The following GALNT13 variants were observed in gnomAD, a reference collection of about 807,000 sequenced individuals.
GALNT13 encodes UDP-GalNAc:polypeptide N-acetylgalactosaminyltransferase 13.
Under a neutral mutation model 64.2 loss-of-function variants are expected in GALNT13, and 28 were observed. The ratio of observed to expected loss-of-function variants is 0.44; its 90% CI spans 0.32 to 0.60. The LOEUF (loss-of-function observed/expected upper bound fraction) is 0.60. Among genes scored for constraint, GALNT13 ranks in the 20% least tolerant of loss-of-function variants. The probability of loss-of-function intolerance (pLI) is 0.05; values close to 1 mark genes in which losing one functional copy is unlikely to be tolerated. For missense variants in GALNT13, 577 were observed against 669.8 expected, an observed-to-expected ratio of 0.86 and a Z score of 1.53; for synonymous variants, 214 against 224.6, an observed-to-expected ratio of 0.95 and a Z score of 0.42.
At chr2:154,140,971 G>A (rs1169968356) in intron 4 of GALNT13, among the ~76,000 whole-genome samples, 1 of 152,092 alleles carries the variant, frequency 6.6e-6, no homozygotes, top group Non-Finnish European at 1.5e-5. Flanking sequence ...ATATAATGTA[G>A]CCTATTGTTT....
At chr2:154,194,226 A>G (rs1173969607) in intron 4 of GALNT13, among the ~76,000 whole-genome samples, 1 of 152,166 alleles carries the variant, frequency 6.6e-6, no homozygotes. Context: ...TATAATTCTA[A>G]TTGGTGTCCA....
chr2:153,493,509 C>T, the GALNT13 span, among the ~76,000 whole-genome samples: 2 of 151,864 alleles, frequency 1.3e-5, no homozygotes, highest in Non-Finnish European at 2.9e-5. Flanking sequence ...CCTTCTTACT[C>T]AGAAATTTTC....
At chr2:154,208,963 C>T (rs552394503) in intron 4 of GALNT13, among the ~76,000 whole-genome samples, 1 of 152,150 alleles carries the variant, frequency 6.6e-6, no homozygotes, top group Admixed American at 6.5e-5. Context: ...TTTAAGGATT[C>T]AGTAAGTAGG....
chr2:154,363,856 G>C (rs983622965), intron 9 of GALNT13, among the ~76,000 whole-genome samples: 2 of 152,172 alleles, frequency 1.3e-5, no homozygotes, highest in Non-Finnish European at 2.9e-5. Context: ...AATCATATTT[G>C]AGAACTGCCT....
At chr2:153,910,333 T>G (rs371776284) in intron 2 of GALNT13, among the ~76,000 whole-genome samples, 1 of 152,138 alleles carries the variant, frequency 6.6e-6, no homozygotes, top group African/African-American at 2.4e-5. Context: ...CTTTTTCTCT[T>G]TATTAGCCTA....
the GALNT13 span, among the ~76,000 whole-genome samples, chr2:153,097,186 T>A: frequency 2.0e-5 from 3 of 152,274 alleles, no homozygotes; most frequent in Non-Finnish European, 4.4e-5. Context: ...GCTTTGTAAC[T>A]TATACTGTTT....
the GALNT13 span, chr2:153,370,579 G>A: frequency 1.3e-5 from 2 of 152,124 alleles, no homozygotes; most frequent in African/African-American, 4.8e-5. Context: ...TTCAATATAT[G>A]TAGGAAAAAG....
chr2:153,964,990 T>C (rs1056074224), intron 3 of GALNT13, among the ~76,000 whole-genome samples: 1 of 152,154 alleles, frequency 6.6e-6, no homozygotes, highest in Admixed American at 6.5e-5. Flanking sequence ...AATAATGTTA[T>C]TATAAATATT....
chr2:153,937,031 T>G (rs942049129), intron 2 of GALNT13, among the ~76,000 whole-genome samples: 2 of 152,136 alleles, frequency 1.3e-5, no homozygotes, highest in Admixed American at 6.5e-5. Flanking sequence ...AATTTAAATT[T>G]TAACAGGAAC....
At chr2:153,602,466 AC>A in the GALNT13 span, among the ~76,000 whole-genome samples, 1 of 149,702 alleles carries the variant, frequency 6.7e-6, no homozygotes, top group Non-Finnish European at 1.5e-5. Flanking sequence ...ACCATATAAT[AC>A]CCTACTGGGA....
At chr2:153,494,385 A>G in the GALNT13 span, among the ~76,000 whole-genome samples, 1 of 152,028 alleles carries the variant, frequency 6.6e-6, no homozygotes, top group African/African-American at 2.4e-5. Context: ...ACTATTTTAA[A>G]TGTGGTTTGG....
chr2:153,136,047 C>A, the GALNT13 span, among the ~76,000 whole-genome samples: 2 of 152,146 alleles, frequency 1.3e-5, no homozygotes, highest in African/African-American at 2.4e-5. Context: ...TCCCTAGAAA[C>A]TTCTCTCTTA....
intron 9 of GALNT13, among the ~76,000 whole-genome samples, chr2:154,377,516 A>T (rs985771215): frequency 3.1e-4 from 47 of 152,188 alleles, no homozygotes; most frequent in Admixed American, 2.4e-3. Flanking sequence ...ATATAACAAT[A>T]AAGGAAGAAC....
intron 3 of GALNT13, among the ~76,000 whole-genome samples, chr2:153,966,199 C>CAATA (rs1693322040): frequency 6.9e-6 from 1 of 144,772 alleles, no homozygotes; most frequent in Admixed American, 6.8e-5. Context: ...AAACAATACT[C>CAATA]AATATTCTAG....
chr2:154,439,569 A>G (rs1389968127), intron 12 of GALNT13, among the ~76,000 whole-genome samples: 1 of 152,196 alleles, frequency 6.6e-6, no homozygotes, highest in African/African-American at 2.4e-5. Flanking sequence ...AGTCTCACAG[A>G]TGCAGTATTC....
At chr2:153,855,308 G>T in the GALNT13 span, among the ~76,000 whole-genome samples, 1 of 152,022 alleles carries the variant, frequency 6.6e-6, no homozygotes, top group African/African-American at 2.4e-5. Context: ...TCCTTAAATG[G>T]ACACCTAATG....
At chr2:153,195,610 C>T in the GALNT13 span, among the ~76,000 whole-genome samples, 1 of 152,204 alleles carries the variant, frequency 6.6e-6, no homozygotes, top group Non-Finnish European at 1.5e-5. Flanking sequence ...GAGTCATAGC[C>T]CTGGCTCAGG....
At chr2:153,886,596 A>C (rs903643448) in intron 1 of GALNT13, among the ~76,000 whole-genome samples, 2 of 152,040 alleles carry the variant, frequency 1.3e-5, no homozygotes, top group Non-Finnish European at 2.9e-5. Context: ...ATGAGAACAC[A>C]TGGACAAAGG....
At chr2:153,074,631 G>A in the GALNT13 span, among the ~76,000 whole-genome samples, 3 of 152,122 alleles carry the variant, frequency 2.0e-5, no homozygotes, top group African/African-American at 4.8e-5. Context: ...TTTCAGCTTC[G>A]TTATAATATT....
Sources: gnomAD v4.1 joint callset for allele counts (sites outside exome capture counted in the v4.1 genomes callset) on GRCh38, gnomAD v4.1.1 for gene constraint, MANE v1.5 for transcripts, NCBI Gene and HGNC (gene_info 2026-07-23, HGNC 2026-07-21) for gene names.